The following RHBDD1 variants were observed in gnomAD, a reference collection of about 807,000 sequenced individuals.
RHBDD1 encodes rhomboid domain containing 1.
RHBDD1 carries 38 observed loss-of-function variants against 36.3 expected under a neutral mutation model. The observed-to-expected ratio is 1.05, with a 90% CI of 0.81 to 1.37. The LOEUF (loss-of-function observed/expected upper bound fraction) is 1.37, where lower values mean the gene tolerates loss of function less well. RHBDD1 is among the 40% of genes most tolerant of loss of function. The pLI is 0.00. For synonymous variants in RHBDD1, 151 were observed against 136.5 expected, an observed-to-expected ratio of 1.11 and a Z score of -0.74; for missense variants, 393 against 377.6, an observed-to-expected ratio of 1.04 and a Z score of -0.34.
the RHBDD1 span, among the ~76,000 whole-genome samples, chr2:226,820,810 A>G: frequency 3.3e-5 from 5 of 152,160 alleles, no homozygotes; most frequent in Non-Finnish European, 5.9e-5. Context: ...AAAAAAATTT[A>G]AAAATTGACT....
At chr2:226,812,572 C>T in the RHBDD1 span, among the ~76,000 whole-genome samples, 1 of 152,060 alleles carries the variant, frequency 6.6e-6, no homozygotes, top group African/African-American at 2.4e-5. Flanking sequence ...TCTATATGTC[C>T]CATTATGGAA....
chr2:226,970,433 T>G (rs1953240949), intron 8 of RHBDD1, among the ~76,000 whole-genome samples: 1 of 152,202 alleles, frequency 6.6e-6, no homozygotes, highest in Non-Finnish European at 1.5e-5. Context: ...GATATGAGTC[T>G]CATGATATGG....
intron 5 of RHBDD1, among the ~76,000 whole-genome samples, chr2:226,902,961 C>T (rs1947718234): frequency 1.3e-5 from 2 of 152,190 alleles, no homozygotes; most frequent in Admixed American, 1.3e-4. Flanking sequence ...TAAATTGAAA[C>T]TTCCTTCTAT....
intron 5 of RHBDD1, among the ~76,000 whole-genome samples, chr2:226,885,504 A>G (rs1946131378): frequency 6.6e-6 from 1 of 152,168 alleles, no homozygotes; most frequent in South Asian, 2.1e-4. Flanking sequence ...GTCAGAGATT[A>G]TATTAGTAGG....
chr2:226,869,602 T>C (rs1474832468), intron 5 of RHBDD1, among the ~76,000 whole-genome samples: 2 of 152,226 alleles, frequency 1.3e-5, no homozygotes, highest in African/African-American at 2.4e-5. Flanking sequence ...CTCTGTGTTT[T>C]ATGAAAGCCA....
Position 226,984,152 on chromosome 2 carries a change from G to C in RHBDD1, c.857-11279G>C, listed in dbSNP as rs368629138. Among the ~76,000 whole-genome samples the C allele has an allele frequency of 4.2e-3, 635 of 152,336 alleles. 4 individuals carry two copies. Among genetic ancestry groups the C allele is most frequent in the African/African-American group, 0.015 (604 of 41,576 alleles). On this transcript the variant is annotated intron_variant, in intron 8 of 8. Coordinates refer to ENST00000392062, the MANE Select transcript of RHBDD1 (RefSeq NM_001167608.3). ...TCACCGCTCTGATCACTGGGGGTCT[G>C]CCCAGCAGCTGTGACAGCCAGCACC...
the RHBDD1 span, among the ~76,000 whole-genome samples, chr2:226,813,590 T>A: frequency 6.6e-6 from 1 of 152,226 alleles, no homozygotes; most frequent in East Asian, 1.9e-4. Context: ...ACTGCCTTCC[T>A]TCACTCCGCT....
chr2:226,844,544 T>A (rs1186075046), intron 3 of RHBDD1, among the ~76,000 whole-genome samples: 9 of 152,238 alleles, frequency 5.9e-5, no homozygotes, highest in African/African-American at 2.2e-4. Context: ...TTACACAGAT[T>A]AATTTAAATG....
intron 8 of RHBDD1, among the ~76,000 whole-genome samples, chr2:226,995,019 C>T (rs1436908708): frequency 6.6e-6 from 1 of 151,846 alleles, no homozygotes; most frequent in East Asian, 1.9e-4. Context: ...AAGGAGCACC[C>T]AAAGGCTGAT....
intron 3 of RHBDD1, among the ~76,000 whole-genome samples, chr2:226,858,981 C>T (rs1038011329): frequency 7.2e-5 from 11 of 151,994 alleles, no homozygotes; most frequent in Non-Finnish European, 5.9e-5. Flanking sequence ...TTGAGATTAA[C>T]GTTATAAATA....
chr2:226,943,641 G>C (rs908232435), intron 8 of RHBDD1, among the ~76,000 whole-genome samples: 9 of 122,552 alleles, frequency 7.3e-5, no homozygotes, highest in Admixed American at 2.4e-4. Flanking sequence ...GTCTCTGGGG[G>C]TTAGTAAGGC....
rs953065970 is a variant in RHBDD1 at position 226,995,359 on chromosome 2, C to G, written c.857-72C>G. The G allele has an allele frequency of 4.3e-6, 4 of 921,212 alleles. No individual in the cohort carries two copies. In the African/African-American group the frequency reaches 6.5e-5, roughly 15 times the overall value. The allele number at this position is 921,212 out of a possible 1,614,324, so 57.1% of individuals were successfully genotyped here. On this transcript the variant is annotated intron_variant, in intron 8 of 8. Coordinates refer to ENST00000392062, the MANE Select transcript of RHBDD1 (RefSeq NM_001167608.3). Reference sequence around the variant, plus strand: ...GACACCCAAGCTATCACTTTGTTCCCTTGGAATCCTAGGGTACACATGCCT... The same window carrying G: ...GACACCCAAGCTATCACTTTGTTCCGTTGGAATCCTAGGGTACACATGCCT...
chr2:226,829,227 T>C, the RHBDD1 span, among the ~76,000 whole-genome samples: 3 of 152,340 alleles, frequency 2.0e-5, no homozygotes, highest in African/African-American at 2.4e-5. Flanking sequence ...CTGTTGATCT[T>C]TATGCCTATT....
intron 8 of RHBDD1, among the ~76,000 whole-genome samples, chr2:226,972,384 G>A (rs1055456385): frequency 2.0e-5 from 3 of 152,178 alleles, no homozygotes; most frequent in East Asian, 3.8e-4. Context: ...AATGAGAGGA[G>A]GGAAGAGAGA....
chr2:226,855,108 A>G (rs1482958228), intron 3 of RHBDD1, among the ~76,000 whole-genome samples: 4 of 152,250 alleles, frequency 2.6e-5, no homozygotes, highest in African/African-American at 4.8e-5. Context: ...TATAAAGGAC[A>G]TCTGGACATT....
rs1439869321 is a variant in RHBDD1 at position 226,997,117 on chromosome 2, T to C, written c.*1595T>C. On this transcript the variant is annotated 3_prime_UTR_variant, in exon 9 of 9. Coordinates refer to ENST00000392062, the MANE Select transcript of RHBDD1 (RefSeq NM_001167608.3). ...CATGGAAATGAGCTAAGAAAACCAC[T>C]GGAGCCTTGGGAGCTCTTTGGCCTC... The C allele has an allele frequency of 6.6e-6, 1 of 152,230 alleles. No homozygotes were observed. The highest frequency in any genetic ancestry group is 1.9e-4 in the East Asian group (1 of 5,194). 9.4% of individuals were successfully genotyped at this position (152,230 alleles called of 1,614,324 possible).
Position 226,995,665 on chromosome 2 carries a change from C to G in RHBDD1, c.*143C>G, listed in dbSNP as rs1019610748. The G allele has an allele frequency of 2.4e-5, 16 of 655,896 alleles. No individual in the cohort carries two copies. The highest frequency in any genetic ancestry group is 4.4e-5 in the Non-Finnish European group (16 of 364,600). 40.6% of individuals were successfully genotyped at this position (655,896 alleles called of 1,614,324 possible). A position where few individuals can be genotyped will look rare whatever the true frequency, so the allele number is the denominator to read the frequency against. On this transcript the variant is annotated 3_prime_UTR_variant, in exon 9 of 9. Transcript: ENST00000392062. ...TCCAGATCGCTCACATCACCTGGGA[C>G]AGTCCCATGGCCCCTATGAGTCAAC... is the stretch of plus-strand genomic sequence containing the variant.
At position 226,976,425 on chromosome 2, in the gene RHBDD1, A is replaced by G. The variant is rs115433882; in HGVS notation, c.857-19006A>G. On this transcript the variant is annotated intron_variant, in intron 8 of 8. Coordinates refer to ENST00000392062, the MANE Select transcript of RHBDD1 (RefSeq NM_001167608.3). ...AAAGGAGCAGTACCCCAATATAGTA[A>G]CAATTTGTTGTAAATTATCAAAATG... is the stretch of plus-strand genomic sequence containing the variant. Among the ~76,000 whole-genome samples, 557 of 151,846 alleles carry G rather than the reference A, an allele frequency of 3.7e-3. 1 individual carries two copies. The highest frequency in any genetic ancestry group is 0.013 in the African/African-American group (537 of 41,346).
intron 8 of RHBDD1, among the ~76,000 whole-genome samples, chr2:226,924,409 C>T (rs1034891100): frequency 6.6e-6 from 1 of 152,178 alleles, no homozygotes; most frequent in South Asian, 2.1e-4. Flanking sequence ...TGTCTTTACT[C>T]TTCCGTTTTC....
Sources: gnomAD v4.1 joint callset for allele counts (sites outside exome capture counted in the v4.1 genomes callset) on GRCh38, gnomAD v4.1.1 for gene constraint, MANE v1.5 for transcripts, NCBI Gene and HGNC (gene_info 2026-07-23, HGNC 2026-07-21) for gene names.